ADAMTS16: variants seen among roughly 807,000 people sequenced by gnomAD.
The protein encoded by ADAMTS16 is ADAM metallopeptidase with thrombospondin type 1 motif 16, also known as A disintegrin and metalloproteinase with thrombospondin motifs 16.
Under a neutral mutation model 145.8 loss-of-function variants are expected in ADAMTS16, and 94 were observed. The ratio of observed to expected loss-of-function variants is 0.64; its 90% CI spans 0.55 to 0.77. ADAMTS16 has a LOEUF of 0.77. Among genes scored for constraint, ADAMTS16 ranks in the 30% least tolerant of loss-of-function variants. The pLI is 0.00. For synonymous variants in ADAMTS16, 659 were observed against 604.3 expected (o/e 1.09, Z -1.33); for missense variants, 1,585 against 1,591.5 (o/e 1.00, Z 0.07).
In ADAMTS16 at chr5:5,288,131, G is replaced by A. The variant is rs573241262; in HGVS notation, c.2790-15137G>A. ...TAAAAGGAAGGAGTCGTCACAGCGG[G>A]GAGGGTTCACGTCTGTAATAGAATG... is the stretch of plus-strand genomic sequence containing the variant. On this transcript the variant is annotated intron_variant, in intron 18 of 22. Transcript: ENST00000274181. Among the ~76,000 whole-genome samples the A allele has an allele frequency of 6.6e-5, 10 of 152,254 alleles. 1 individual carries two copies. In the South Asian group the frequency reaches 2.1e-3, roughly 32 times the overall value.
At chr5:5,168,740 A>AT (rs1328667705) in intron 3 of ADAMTS16, among the ~76,000 whole-genome samples, 2 of 138,026 alleles carry the variant, frequency 1.4e-5, no homozygotes, top group African/African-American at 5.4e-5. Flanking sequence ...ATAATTATAT[A>AT]AAATATAATT....
At position 5,182,145 on chromosome 5, in the gene ADAMTS16, C is replaced by G; in HGVS notation, c.603C>G (p.Ser201=). ...LGRAAQGSSP[S]HVLYKRSTEP... is the part of the protein sequence containing the mutation. ...GAGCTGCCCAAGGCAGCTCGCCATC[C>G]CACGTACTGTACAAGAGATCCACAG... The change falls in exon 4 of 23, where the codon TCC becomes TCG. Residue 201 remains serine, a synonymous_variant. Coordinates refer to ENST00000274181, the MANE Select transcript of ADAMTS16 (RefSeq NM_139056.4). The G allele has an allele frequency of 6.2e-7, 1 of 1,614,138 alleles. No individual in the cohort carries two copies. Among genetic ancestry groups the G allele is most frequent in the East Asian group, 2.2e-5 (1 of 44,878 alleles).
intron 20 of ADAMTS16, 169 bp downstream of exon 20, chr5:5,303,935 C>A: frequency 1.3e-6 from 1 of 751,066 alleles, no homozygotes; most frequent in Non-Finnish European, 2.1e-6. Flanking sequence ...GCTTAATCTC[C>A]TTTGGCTTCT....
rs1381151769 is a variant in ADAMTS16 at position 5,305,436 on chromosome 5, CCA to C, written c.3187-1057_3187-1056del. Among the ~76,000 whole-genome samples the C allele has an allele frequency of 2.3e-4, 18 of 76,606 alleles. 4 individuals carry two copies. Among genetic ancestry groups the C allele is most frequent in the South Asian group, 1.1e-3 (2 of 1,844 alleles). The allele number at this position is 76,606 out of a possible 152,430, so 50.3% of individuals were successfully genotyped here. A position where few individuals can be genotyped will look rare whatever the true frequency, so the allele number is the denominator to read the frequency against. On this transcript the variant is annotated intron_variant, in intron 20 of 22. Coordinates refer to ENST00000274181, the MANE Select transcript of ADAMTS16 (RefSeq NM_139056.4). ...TCCCACACCACACACACAACCCACA[CCA>C]CACACACACATCCACACCACACACA...
Position 5,166,292 on chromosome 5 carries a change from T to C in ADAMTS16, c.502-15752T>C, listed in dbSNP as rs75765441. Among the ~76,000 whole-genome samples, 181 of 151,114 alleles carry C rather than the reference T, an allele frequency of 1.2e-3. 4 individuals carry two copies. The East Asian group carries it at 0.023, about 20-fold the overall frequency. ...ACACATACATACACACACACACACA[T>C]GCACACACACGGAGCTCATGCCCTG... On this transcript the variant is annotated intron_variant, in intron 3 of 22. Coordinates refer to ENST00000274181, the MANE Select transcript of ADAMTS16 (RefSeq NM_139056.4).
intron 3 of ADAMTS16, among the ~76,000 whole-genome samples, chr5:5,162,551 G>C (rs1734768606): frequency 1.3e-5 from 2 of 152,164 alleles, no homozygotes; most frequent in Admixed American, 1.3e-4. Flanking sequence ...TACAAAGTCT[G>C]TGCTTTTAAT....
chr5:5,303,554 C>T lies in ADAMTS16; in HGVS notation c.2992-18C>T, dbSNP rs1371560083. The T allele has an allele frequency of 6.2e-7, 1 of 1,612,362 alleles. No homozygotes were observed. The highest frequency in any genetic ancestry group is 1.3e-5 in the African/African-American group (1 of 74,906). On this transcript the variant is annotated intron_variant, in intron 19 of 22. Transcript: ENST00000274181. ...CACATGGCCCTCACTGGGTGCTTAT[C>T]CTGACTGTTCTGTGCAGTGCTCACA...
chr5:5,235,403 C>A (rs1194830272), intron 13 of ADAMTS16, among the ~76,000 whole-genome samples: 1 of 152,106 alleles, frequency 6.6e-6, no homozygotes, highest in African/African-American at 2.4e-5. Context: ...GAAATCAACA[C>A]ACCAGATAGA....
Position 5,196,529 on chromosome 5 carries a change from G to C in ADAMTS16, c.1314-3603G>C, listed in dbSNP as rs972716527. Among the ~76,000 whole-genome samples the C allele has an allele frequency of 2.0e-5, 3 of 152,232 alleles. No individual in the cohort carries two copies. The East Asian group carries it at 5.8e-4, about 29-fold the overall frequency. On this transcript the variant is annotated intron_variant, in intron 8 of 22. Transcript: ENST00000274181. ...GTCAGGCTGCTCTCTGGGTAGCTGT[G>C]GTAGGTCAGAGCATCAGTTCTTACC...
intron 10 of ADAMTS16, among the ~76,000 whole-genome samples, chr5:5,210,342 G>C (rs565587765): frequency 6.6e-6 from 1 of 152,136 alleles, no homozygotes; most frequent in Non-Finnish European, 1.5e-5. Context: ...ATGGTGCCCT[G>C]TTGTCATTTG....
At chr5:5,295,536 C>T (rs1436070986) in intron 18 of ADAMTS16, among the ~76,000 whole-genome samples, 1 of 152,250 alleles carries the variant, frequency 6.6e-6, no homozygotes, top group Non-Finnish European at 1.5e-5. Context: ...AAGGCTGGCA[C>T]CTCACCCACG....
intron 3 of ADAMTS16, among the ~76,000 whole-genome samples, chr5:5,173,582 T>C (rs1024628030): frequency 7.9e-5 from 12 of 152,160 alleles, no homozygotes; most frequent in African/African-American, 2.9e-4. Context: ...CATGCCATTC[T>C]CCTGCCTCAG....
At chr5:5,177,282 C>T (rs1303843689) in intron 3 of ADAMTS16, among the ~76,000 whole-genome samples, 1 of 152,150 alleles carries the variant, frequency 6.6e-6, no homozygotes, top group Non-Finnish European at 1.5e-5. Context: ...TGAGTCTATA[C>T]ATAAGCAACT....
chr5:5,262,830 G>A (rs752072322), intron 18 of ADAMTS16, 47 bp downstream of exon 18: 21 of 1,604,076 alleles, frequency 1.3e-5, no homozygotes, highest in South Asian at 4.5e-5. Flanking sequence ...GTTTGCAGAC[G>A]TGCTCAGCGA....
At chr5:5,162,373 G>A (rs1438461716) in intron 3 of ADAMTS16, among the ~76,000 whole-genome samples, 4 of 152,116 alleles carry the variant, frequency 2.6e-5, no homozygotes, top group African/African-American at 9.7e-5. Flanking sequence ...ATCTAACAAG[G>A]GTGAGAGCCC....
chr5:5,213,982 C>A (rs573706462), intron 10 of ADAMTS16, among the ~76,000 whole-genome samples: 36 of 152,332 alleles, frequency 2.4e-4, no homozygotes, highest in Admixed American at 2.4e-3. Context: ...GCTGAACAGG[C>A]CTCTACTCTG....
intron 8 of ADAMTS16, among the ~76,000 whole-genome samples, chr5:5,198,098 A>G (rs1460467763): frequency 6.6e-6 from 1 of 152,174 alleles, no homozygotes; most frequent in East Asian, 1.9e-4. Flanking sequence ...TGGACTTTGA[A>G]TTCCTTAGAA....
intron 3 of ADAMTS16, among the ~76,000 whole-genome samples, chr5:5,157,423 A>G (rs994506173): frequency 6.6e-6 from 1 of 151,760 alleles, no homozygotes; most frequent in African/African-American, 2.4e-5. Flanking sequence ...AAAAAAAATC[A>G]TATGCTGATC....
intron 3 of ADAMTS16, among the ~76,000 whole-genome samples, chr5:5,160,754 T>G (rs1406877663): frequency 1.2e-5 from 1 of 86,866 alleles, no homozygotes; most frequent in African/African-American, 4.5e-5. Flanking sequence ...CTTAAAAATA[T>G]ACCAAAAAAA....
Sources: gnomAD v4.1 joint callset for allele counts (sites outside exome capture counted in the v4.1 genomes callset) on GRCh38, gnomAD v4.1.1 for gene constraint, MANE v1.5 for transcripts, NCBI Gene and HGNC (gene_info 2026-07-23, HGNC 2026-07-21) for gene names.